ADAM32: variants seen among roughly 807,000 people sequenced by gnomAD.
The protein encoded by ADAM32 is disintegrin and metalloproteinase domain-containing protein 32.
Under a neutral mutation model 114.9 loss-of-function variants are expected in ADAM32, and 89 were observed. The ratio of observed to expected loss-of-function variants is 0.77; its 90% CI spans 0.65 to 0.92. The LOEUF (loss-of-function observed/expected upper bound fraction) is 0.92, where lower values mean the gene tolerates loss of function less well. Among genes scored for constraint, ADAM32 ranks in the 40% least tolerant of loss-of-function variants. ADAM32 has a pLI of 0.00. For synonymous variants in ADAM32, 285 were observed against 307.5 expected (o/e 0.93, Z 0.77); for missense variants, 870 against 932.8 (o/e 0.93, Z 0.88).
chr8:39,222,599 T>C, intron 13 of ADAM32, among the ~76,000 whole-genome samples: 1 of 152,104 alleles, frequency 6.6e-6, no homozygotes, highest in East Asian at 1.9e-4. Flanking sequence ...TTAATAACAC[T>C]TCTGTTTCCC....
intron 19 of ADAM32, among the ~76,000 whole-genome samples, chr8:39,260,560 T>C (rs1456444234): frequency 1.3e-5 from 2 of 152,162 alleles, no homozygotes; most frequent in African/African-American, 4.8e-5. Flanking sequence ...CTGTATCTGT[T>C]GAGTGTATTT....
chr8:39,151,325 C>A (rs1803811950), intron 5 of ADAM32, 52 bp from the exon 6 acceptor site: 1 of 1,379,048 alleles, frequency 7.3e-7, no homozygotes, highest in East Asian at 2.7e-5. Context: ...GTCAGAAATT[C>A]ATTATATAGA....
At chr8:39,202,998 A>C (rs1807536995) in intron 11 of ADAM32, among the ~76,000 whole-genome samples, 2 of 152,202 alleles carry the variant, frequency 1.3e-5, no homozygotes, top group Non-Finnish European at 2.9e-5. Flanking sequence ...TCTGAGAGAC[A>C]GTTTGTTATA....
At chr8:39,130,315 C>T (rs995025236) in intron 2 of ADAM32, among the ~76,000 whole-genome samples, 2 of 151,752 alleles carry the variant, frequency 1.3e-5, no homozygotes, top group African/African-American at 4.8e-5. Context: ...AAAGGTTTGT[C>T]CATTTTGTTG....
At chr8:39,131,265 T>C (rs1445673797) in intron 2 of ADAM32, among the ~76,000 whole-genome samples, 3 of 152,028 alleles carry the variant, frequency 2.0e-5, no homozygotes, top group Admixed American at 6.6e-5. Context: ...CAGGAGGATC[T>C]CTTGAGGCCA....
At chr8:39,284,689 G>A (rs1007532127) in intron 24 of ADAM32, 104 bp from the exon 25 acceptor site, 83 of 1,240,232 alleles carry the variant, frequency 6.7e-5, no homozygotes, top group African/African-American at 1.1e-4. Flanking sequence ...TCTTTTTTTC[G>A]TGCCACATGA....
At chr8:39,124,754 G>A (rs1439363896) in intron 2 of ADAM32, among the ~76,000 whole-genome samples, 1 of 152,124 alleles carries the variant, frequency 6.6e-6, no homozygotes, top group Admixed American at 6.5e-5. Context: ...TTGTTGATGG[G>A]CATTTGGGTT....
chr8:39,268,233 T>C (rs913195291), intron 19 of ADAM32, among the ~76,000 whole-genome samples: 3 of 152,240 alleles, frequency 2.0e-5, no homozygotes, highest in African/African-American at 7.2e-5. Flanking sequence ...AGAGTTGTAG[T>C]TTCTCCACAT....
intron 19 of ADAM32, among the ~76,000 whole-genome samples, chr8:39,264,758 T>C (rs1454464732): frequency 6.6e-6 from 1 of 152,224 alleles, no homozygotes; most frequent in Non-Finnish European, 1.5e-5. Context: ...TGTTTGTTTA[T>C]ATTAGTTTCA....
chr8:39,139,652 A>C (rs1296406088), intron 3 of ADAM32, among the ~76,000 whole-genome samples: 1 of 152,212 alleles, frequency 6.6e-6, no homozygotes, highest in Non-Finnish European at 1.5e-5. Flanking sequence ...TATCTTGGCA[A>C]TGCGGGCTCT....
chr8:39,169,835 G>T (rs1052736710), intron 9 of ADAM32, 81 bp from the exon 10 acceptor site: 1 of 1,064,202 alleles, frequency 9.4e-7, no homozygotes, highest in East Asian at 2.7e-5. Context: ...TTTATGAACT[G>T]CAGACTTAAA....
At chr8:39,271,260 T>G (rs765449852) in intron 20 of ADAM32, among the ~76,000 whole-genome samples, 6 of 152,192 alleles carry the variant, frequency 3.9e-5, no homozygotes, top group Non-Finnish European at 7.3e-5. Flanking sequence ...TGGTAAATGA[T>G]AAACCACATG....
intron 1 of ADAM32, among the ~76,000 whole-genome samples, chr8:39,109,175 G>C (rs961511278): frequency 7.9e-5 from 12 of 152,222 alleles, no homozygotes; most frequent in African/African-American, 2.7e-4. Flanking sequence ...TTTTGTTTAT[G>C]TGGATTTATA....
chr8:39,164,068 CA>C (rs1297937146), intron 7 of ADAM32, among the ~76,000 whole-genome samples: 2 of 152,148 alleles, frequency 1.3e-5, no homozygotes, highest in Non-Finnish European at 2.9e-5. Context: ...CTTCCATAAC[CA>C]TTGCCACAAT....
chr8:39,215,379 G>T (rs1052222266), intron 12 of ADAM32, among the ~76,000 whole-genome samples: 3 of 151,818 alleles, frequency 2.0e-5, no homozygotes, highest in African/African-American at 7.3e-5. Flanking sequence ...TCATTGTAGA[G>T]ATCTTTCACT....
At chr8:39,263,792 T>C (rs1033650936) in intron 19 of ADAM32, among the ~76,000 whole-genome samples, 2 of 152,206 alleles carry the variant, frequency 1.3e-5, no homozygotes, top group African/African-American at 4.8e-5. Context: ...GATTAATACA[T>C]TATGCAGTCT....
At chr8:39,109,786 C>T (rs1840079667) in intron 1 of ADAM32, among the ~76,000 whole-genome samples, 1 of 152,096 alleles carries the variant, frequency 6.6e-6, no homozygotes, top group African/African-American at 2.4e-5. Flanking sequence ...CTCCACATTG[C>T]CCATTCTATG....
chr8:39,261,643 T>C (rs1465615827), intron 19 of ADAM32, among the ~76,000 whole-genome samples: 1 of 152,240 alleles, frequency 6.6e-6, no homozygotes, highest in Non-Finnish European at 1.5e-5. Flanking sequence ...CTGTTCTCCA[T>C]AGTGGCTATC....
intron 11 of ADAM32, 62 bp from the exon 12 acceptor site, chr8:39,211,082 A>G: frequency 1.6e-6 from 2 of 1,254,990 alleles, no homozygotes; most frequent in East Asian, 2.8e-5. Context: ...ATTAATTTAT[A>G]TCATATAGAA....
Sources: allele counts gnomAD v4.1 joint callset (sites outside exome capture counted in the v4.1 genomes callset), GRCh38; gene constraint gnomAD v4.1.1; transcripts MANE v1.5; gene names NCBI Gene and HGNC (gene_info 2026-07-23, HGNC 2026-07-21).